GIT2: variants seen among roughly 807,000 people sequenced by gnomAD.
GIT2 encodes the protein GIT ArfGAP 2.
Under a neutral mutation model 100.3 loss-of-function variants are expected in GIT2, and 32 were observed. The observed-to-expected ratio is 0.32, with a 90% CI of 0.24 to 0.43. GIT2 has a LOEUF of 0.43. GIT2 is among the 20% of genes least tolerant of loss of function. The pLI, the probability that GIT2 is intolerant of heterozygous loss-of-function variation, is 1.00. For missense variants in GIT2, 737 were observed against 975.1 expected, an observed-to-expected ratio of 0.76 and a Z score of 3.25; for synonymous variants, 353 against 364.1, an observed-to-expected ratio of 0.97 and a Z score of 0.35.
chr12:109,950,397 T>A (rs1234448699), intron 14 of GIT2, among the ~76,000 whole-genome samples: 6 of 152,236 alleles, frequency 3.9e-5, no homozygotes, highest in Non-Finnish European at 8.8e-5. Context: ...GAATGATGAG[T>A]GATACCCACA....
At position 109,931,965 on chromosome 12, in the gene GIT2, T is replaced by C. The variant is rs1023050133; in HGVS notation, c.*1013A>G. On this transcript the variant is annotated 3_prime_UTR_variant, in exon 20 of 20. Coordinates refer to ENST00000355312, the MANE Select transcript of GIT2 (RefSeq NM_057169.5). ...CTGCGATACGATACATCTTTCCTTA[T>C]AAGAAGTCCTTAAAGATGATGAAAA... The C allele has an allele frequency of 6.6e-6, 1 of 152,214 alleles. No individual in the cohort carries two copies. The highest frequency in any genetic ancestry group is 2.4e-5 in the African/African-American group (1 of 41,440). The allele number at this position is 152,214 out of a possible 1,614,324, so 9.4% of individuals were successfully genotyped here.
At chr12:109,965,710 C>T in intron 8 of GIT2, 133 bp from the exon 9 acceptor site, 1 of 777,510 alleles carries the variant, frequency 1.3e-6, no homozygotes, top group Non-Finnish European at 2.3e-6. Flanking sequence ...CATTCTACAG[C>T]CCAGTAGAGT....
chr12:109,964,455 A>G (rs1881784677), intron 9 of GIT2, among the ~76,000 whole-genome samples: 1 of 152,164 alleles, frequency 6.6e-6, no homozygotes, highest in African/African-American at 2.4e-5. Context: ...GGAAGCTGCA[A>G]TGTCAGAGTC....
Position 109,987,383 on chromosome 12 carries a change from CAAAAATAAAT to C in GIT2, c.405+1570_405+1579del, listed in dbSNP as rs1361971918. Reference sequence around the variant, plus strand: ...TGGGCGACTGAGCAAGACTCTATCTCAAAAATAAATAAAAATAAATAAATAAATAAATAAA... The same window carrying C: ...TGGGCGACTGAGCAAGACTCTATCTCAAAAATAAATAAATAAATAAATAAA... On this transcript the variant is annotated intron_variant, in intron 4 of 19. Transcript: ENST00000355312. Among the ~76,000 whole-genome samples, 10 of 151,122 alleles carry C rather than the reference CAAAAATAAAT, an allele frequency of 6.6e-5. No individual in the cohort carries two copies. In the South Asian group the frequency reaches 2.1e-3, roughly 32 times the overall value.
chr12:109,934,144 G>A lies in GIT2; in HGVS notation c.2004-59C>T, dbSNP rs7954196. 1 of 918,566 alleles carries A rather than the reference G, an allele frequency of 1.1e-6. No homozygotes were observed. The highest frequency in any genetic ancestry group is 1.7e-5 in the Admixed American group (1 of 58,916). 56.9% of individuals were successfully genotyped at this position (918,566 alleles called of 1,614,324 possible). ...GTAAAAATGATTCGGAGGCAAAGAGGACTCAAGTGCTAGAACAGATTCTGT... is the reference window on the plus strand; with the variant it reads ...GTAAAAATGATTCGGAGGCAAAGAGAACTCAAGTGCTAGAACAGATTCTGT... On this transcript the variant is annotated intron_variant, in intron 18 of 19. Transcript: ENST00000355312. This position sits in a 1 kb window ranked among gnomAD's most constrained non-coding sequence, Gnocchi z 4.5.
chr12:109,959,651 G>A (rs1277571108), intron 12 of GIT2, among the ~76,000 whole-genome samples, 196 bp downstream of exon 12: 1 of 152,094 alleles, frequency 6.6e-6, no homozygotes, highest in Non-Finnish European at 1.5e-5. Flanking sequence ...AAACCACCAT[G>A]GCACACGTAT....
intron 7 of GIT2, among the ~76,000 whole-genome samples, chr12:109,968,883 G>A (rs756074693): frequency 2.2e-4 from 33 of 151,888 alleles, no homozygotes; most frequent in Non-Finnish European, 4.6e-4. Flanking sequence ...TGCTACACCC[G>A]GCTAATTTTT....
At chr12:109,941,810 C>T (rs746674179) in intron 16 of GIT2, among the ~76,000 whole-genome samples, 10 of 151,726 alleles carry the variant, frequency 6.6e-5, no homozygotes, top group Admixed American at 2.0e-4. Flanking sequence ...TGTGAGCCAC[C>T]GCACCCTGCC....
Position 109,933,110 on chromosome 12 carries a change from C to T in GIT2, c.2148G>A (p.Lys716=), listed in dbSNP as rs557036414. ...GTGAGCCGGGGTCCCCTGGGAGGGTCTTCTTGCACTCTGACTGCAGTCGGT... is the reference window on the plus strand; with the variant it reads ...GTGAGCCGGGGTCCCCTGGGAGGGTTTTCTTGCACTCTGACTGCAGTCGGT... ...SAYRLQSECK[K]TLPGDPGSPT... The change falls in exon 20 of 20, where the codon AAG becomes AAA. Residue 716 remains lysine (K), a synonymous_variant. Transcript: ENST00000355312. The surrounding 1 kb of genome is among the most constrained non-coding windows in gnomAD (Gnocchi z 4.5). The T allele has an allele frequency of 1.2e-6, 2 of 1,612,166 alleles. No homozygotes were observed. The highest frequency in any genetic ancestry group is 1.3e-5 in the African/African-American group (1 of 74,984).
intron 7 of GIT2, among the ~76,000 whole-genome samples, chr12:109,976,123 A>AAC (rs564971141): frequency 1.9e-4 from 25 of 130,914 alleles, no homozygotes; most frequent in Admixed American, 7.3e-5. Context: ...CACACACACA[A>AAC]ACACACACAC....
At chr12:109,993,884 T>C (rs1322750984) in intron 1 of GIT2, among the ~76,000 whole-genome samples, 1 of 151,814 alleles carries the variant, frequency 6.6e-6, no homozygotes, top group Admixed American at 6.6e-5. Flanking sequence ...AAGTAGAATA[T>C]TTAAGAAGAT....
chr12:109,995,063 G>C lies in GIT2; in HGVS notation c.52+1110C>G, dbSNP rs60352216. 5.0e-3 allele frequency among the ~76,000 whole-genome samples: 761 copies of C among 152,316 alleles called. 4 individuals are homozygous for C. Among genetic ancestry groups the C allele is most frequent in the African/African-American group, 0.018 (728 of 41,564 alleles). ...TAAGATCAGAACAGTTGCAAAGCCA[G>C]TGGTGTTCAATGATTTAATTAAGAT... On this transcript the variant is annotated intron_variant, in intron 1 of 19. Coordinates refer to ENST00000355312, the MANE Select transcript of GIT2 (RefSeq NM_057169.5).
At chr12:109,989,412 C>T (rs1236857164) in intron 3 of GIT2, among the ~76,000 whole-genome samples, 1 of 152,160 alleles carries the variant, frequency 6.6e-6, no homozygotes. Context: ...GGTCTGATCG[C>T]CTCTTATTTG....
At chr12:109,939,345 C>T (rs1395470498) in intron 16 of GIT2, 98 bp from the exon 17 acceptor site, 12 of 729,194 alleles carry the variant, frequency 1.6e-5, no homozygotes, top group South Asian at 1.5e-4. Context: ...CTGGCCTTCA[C>T]ATCCCAAATC....
chr12:109,933,299 G>A lies in GIT2; in HGVS notation c.2068-109C>T, dbSNP rs188611842. 1.2e-4 allele frequency: 82 copies of A among 676,096 alleles called. No individual in the cohort carries two copies. Among genetic ancestry groups the A allele is most frequent in the African/African-American group, 1.0e-3 (58 of 56,310 alleles). 41.9% of individuals were successfully genotyped at this position (676,096 alleles called of 1,614,324 possible). A position where few individuals can be genotyped will look rare whatever the true frequency, so the allele number is the denominator to read the frequency against. ...CAAGCTGCTCCCCAGAGTGAAAGGC[G>A]GTTTGGTCCTGCCCTTTCTCAAAGG... On this transcript the variant is annotated intron_variant, in intron 19 of 19. Coordinates refer to ENST00000355312, the MANE Select transcript of GIT2 (RefSeq NM_057169.5). This position sits in a 1 kb window ranked among gnomAD's most constrained non-coding sequence, Gnocchi z 4.5.
intron 4 of GIT2, among the ~76,000 whole-genome samples, chr12:109,983,998 GT>G (rs1489111504): frequency 2.0e-5 from 3 of 152,122 alleles, no homozygotes; most frequent in African/African-American, 7.2e-5. Flanking sequence ...GTGTGAAGAG[GT>G]GACTATGCGT....
chr12:109,966,740 T>C (rs564454505), intron 8 of GIT2, among the ~76,000 whole-genome samples: 9 of 152,172 alleles, frequency 5.9e-5, no homozygotes, highest in African/African-American at 1.9e-4. Context: ...CAGTTAGTCA[T>C]TTCATAAACT....
At chr12:109,959,758 A>G in intron 12 of GIT2, 89 bp downstream of exon 12, 1 of 768,482 alleles carries the variant, frequency 1.3e-6, no homozygotes, top group Non-Finnish European at 2.3e-6. Context: ...TGTCATGTTG[A>G]TGACTGCTTT....
intron 9 of GIT2, 80 bp downstream of exon 9, chr12:109,965,446 G>GGTAA: frequency 1.3e-6 from 1 of 785,130 alleles, no homozygotes; most frequent in South Asian, 1.6e-5. Flanking sequence ...AGACGCAATA[G>GGTAA]GTAACCTGCA....
Sources: allele counts gnomAD v4.1 joint callset (sites outside exome capture counted in the v4.1 genomes callset), GRCh38; gene constraint gnomAD v4.1.1; non-coding constraint Gnocchi (gnomAD v3.1); transcripts MANE v1.5; gene names NCBI Gene and HGNC (gene_info 2026-07-23, HGNC 2026-07-21).